The following IQGAP2 variants were observed in gnomAD, a reference collection of about 807,000 sequenced individuals.
IQGAP2 encodes IQ motif containing GTPase activating protein 2.
Under a neutral mutation model 201.3 loss-of-function variants are expected in IQGAP2, and 173 were observed. That is an observed-to-expected ratio of 0.86 (90% CI 0.76 to 0.98). The LOEUF (loss-of-function observed/expected upper bound fraction) is 0.98, where lower values mean the gene tolerates loss of function less well. Ranked by LOEUF, IQGAP2 falls within the 50% of genes least tolerant of loss-of-function variation. The pLI is 0.00. For synonymous variants in IQGAP2, 675 were observed against 673.9 expected (o/e 1.00, Z -0.03); for missense variants, 1,687 against 1,864.8 (o/e 0.90, Z 1.76).
At chr5:76,682,893 G>C (rs1457830454) in intron 28 of IQGAP2, among the ~76,000 whole-genome samples, 1 of 152,154 alleles carries the variant, frequency 6.6e-6, no homozygotes, top group East Asian at 1.9e-4. Context: ...TGCTGAAAAA[G>C]GGTTTATGAA....
At chr5:76,515,998 C>T (rs1171083606) in intron 2 of IQGAP2, among the ~76,000 whole-genome samples, 1 of 151,034 alleles carries the variant, frequency 6.6e-6, no homozygotes, top group Admixed American at 6.6e-5. Flanking sequence ...CCACTTCAGC[C>T]TCTTGAGTAG....
intron 2 of IQGAP2, among the ~76,000 whole-genome samples, chr5:76,536,202 G>A (rs1446855351): frequency 6.6e-6 from 1 of 150,876 alleles, no homozygotes; most frequent in Non-Finnish European, 1.5e-5. Flanking sequence ...CCAAGTAGCT[G>A]GGATTACAGG....
intron 25 of IQGAP2, 142 bp downstream of exon 25, chr5:76,673,731 T>C: frequency 1.1e-6 from 1 of 912,524 alleles, no homozygotes; most frequent in Admixed American, 2.5e-5. Context: ...ATTTACCTTT[T>C]AAATTCCTGA....
intron 1 of IQGAP2, among the ~76,000 whole-genome samples, chr5:76,445,383 C>T (rs1189610392): frequency 1.3e-5 from 2 of 151,370 alleles, no homozygotes; most frequent in African/African-American, 4.9e-5. Flanking sequence ...TTAATATTTG[C>T]AAAGAATTGA....
chr5:76,519,871 A>G (rs1384838329), intron 2 of IQGAP2, among the ~76,000 whole-genome samples: 4 of 152,146 alleles, frequency 2.6e-5, no homozygotes, highest in Non-Finnish European at 4.4e-5. Flanking sequence ...TCTTTTGCCC[A>G]TTCTTTAAAA....
At chr5:76,612,263 A>T (rs2150344082) in intron 13 of IQGAP2, among the ~76,000 whole-genome samples, 1 of 152,280 alleles carries the variant, frequency 6.6e-6, no homozygotes, top group South Asian at 2.1e-4. Context: ...CAGGTGGATC[A>T]CTTGAGGCCA....
At chr5:76,471,601 C>T (rs1755115066) in intron 2 of IQGAP2, among the ~76,000 whole-genome samples, 1 of 151,976 alleles carries the variant, frequency 6.6e-6, no homozygotes, top group Admixed American at 6.6e-5. Context: ...AAGCTCTGGC[C>T]TTATCTAGTG....
At chr5:76,582,444 AG>A (rs1362657848) in intron 5 of IQGAP2, among the ~76,000 whole-genome samples, 1 of 152,170 alleles carries the variant, frequency 6.6e-6, no homozygotes, top group Non-Finnish European at 1.5e-5. Context: ...TCACACACTG[AG>A]GTTTTACCAG....
chr5:76,551,109 G>A (rs979353692), intron 2 of IQGAP2, among the ~76,000 whole-genome samples: 2 of 149,910 alleles, frequency 1.3e-5, no homozygotes, highest in African/African-American at 4.9e-5. Context: ...GCGGGGCGGA[G>A]GGGCTCCTCA....
chr5:76,454,551 T>C (rs1455930497), intron 1 of IQGAP2, among the ~76,000 whole-genome samples: 1 of 151,602 alleles, frequency 6.6e-6, no homozygotes, highest in African/African-American at 2.4e-5. Context: ...GTTTGGTTTT[T>C]TTGTCCTTGC....
intron 11 of IQGAP2, among the ~76,000 whole-genome samples, chr5:76,601,659 G>A (rs1470689057): frequency 1.3e-5 from 2 of 152,150 alleles, no homozygotes; most frequent in African/African-American, 4.8e-5. Context: ...GTAACCACCA[G>A]GGGGAGATGT....
rs1748030825 is a variant in IQGAP2, at chr5:76,608,931, A to G, written c.1358-2089A>G. The G allele has an allele frequency of 8.4e-6, 5 of 594,166 alleles. No homozygotes were observed. In the South Asian group the frequency reaches 1.1e-4, roughly 13 times the overall value. 36.8% of individuals were successfully genotyped at this position (594,166 alleles called of 1,614,324 possible). A position where few individuals can be genotyped will look rare whatever the true frequency, so the allele number is the denominator to read the frequency against. ...TCTTGTGGACTAGAATGTTATAGTA[A>G]CATGTGTTGATGTAAAGAAGTGGAC... On this transcript the variant is annotated intron_variant, in intron 12 of 35. Coordinates refer to ENST00000274364, the MANE Select transcript of IQGAP2 (RefSeq NM_006633.5).
chr5:76,558,494 G>T (rs1744102146), intron 2 of IQGAP2, among the ~76,000 whole-genome samples: 1 of 152,170 alleles, frequency 6.6e-6, no homozygotes, highest in East Asian at 1.9e-4. Context: ...GTCTAGAGCA[G>T]TGGCTCTTAA....
At chr5:76,673,630 A>T (rs1744549406) in intron 25 of IQGAP2, 41 bp downstream of exon 25, 1 of 1,602,076 alleles carries the variant, frequency 6.2e-7, no homozygotes, top group African/African-American at 1.3e-5. Flanking sequence ...CTTTCCTGGA[A>T]CGTTCTTGGA....
At chr5:76,676,464 AT>A (rs1744834555) in intron 27 of IQGAP2, among the ~76,000 whole-genome samples, 1 of 152,208 alleles carries the variant, frequency 6.6e-6, no homozygotes, top group African/African-American at 2.4e-5. Context: ...GCCGACAATG[AT>A]TTCAGGCATA....
At position 76,570,522 on chromosome 5, in the gene IQGAP2, A is replaced by G. The variant is rs1745038233; in HGVS notation, c.304-58A>G. The G allele has an allele frequency of 1.3e-5, 15 of 1,165,330 alleles. No homozygotes were observed. The South Asian group carries it at 1.4e-4, about 11-fold the overall frequency. 72.2% of individuals were successfully genotyped at this position (1,165,330 alleles called of 1,614,324 possible). ...CTGTACATGAAAAAAGTTATTGCAA[A>G]TGACTCACTTTTTGTGTGGTTCCTT... On this transcript the variant is annotated intron_variant, in intron 3 of 35. Transcript: ENST00000274364.
chr5:76,639,932 T>G (rs1428509979), intron 16 of IQGAP2, among the ~76,000 whole-genome samples: 1 of 152,212 alleles, frequency 6.6e-6, no homozygotes, highest in Non-Finnish European at 1.5e-5. Context: ...ATGCCATGGT[T>G]GAAAAGATGT....
At chr5:76,638,504 T>C (rs1751322629) in intron 16 of IQGAP2, among the ~76,000 whole-genome samples, 1 of 152,142 alleles carries the variant, frequency 6.6e-6, no homozygotes, top group African/African-American at 2.4e-5. Flanking sequence ...CCTTGTCCAT[T>C]GTAGTCCTAA....
At position 76,597,559 on chromosome 5, in the gene IQGAP2, T is replaced by C; in HGVS notation, c.1028T>C (p.Met343Thr). Residue 343 changes from methionine (M) to threonine (T), a missense_variant, in exon 10 of 36, where the codon ATG (methionine) becomes ACG (threonine). Coordinates refer to ENST00000274364, the MANE Select transcript of IQGAP2 (RefSeq NM_006633.5). Reference protein sequence around the residue: ...LPAVYPFAAAMYQNELFNLQK... With the variant: ...LPAVYPFAAATYQNELFNLQK... ...GCTGTTTATCCCTTTGCTGCTGCCA[T>C]GTATCAGAACGAACTTTTCAACCTC... The C allele has an allele frequency of 1.2e-6, 2 of 1,613,844 alleles. No homozygotes were observed. Among genetic ancestry groups the C allele is most frequent in the African/African-American group, 2.7e-5 (2 of 74,946 alleles).
Sources: allele counts gnomAD v4.1 joint callset (sites outside exome capture counted in the v4.1 genomes callset), GRCh38; gene constraint gnomAD v4.1.1; transcripts MANE v1.5; gene names NCBI Gene and HGNC (gene_info 2026-07-23, HGNC 2026-07-21).